The following RELL1 variants were observed in gnomAD, a reference collection of about 807,000 sequenced individuals.
The protein encoded by RELL1 is RELT like 1.
In RELL1, 10 loss-of-function variants were observed where a neutral mutation model predicts 23.0. The ratio of observed to expected loss-of-function variants is 0.43; its 90% CI spans 0.27 to 0.74. The LOEUF is 0.74. Among genes scored for constraint, RELL1 ranks in the 30% least tolerant of loss-of-function variants. The probability of loss-of-function intolerance (pLI) is 0.19; values close to 1 mark genes in which losing one functional copy is unlikely to be tolerated. For synonymous variants in RELL1, 146 were observed against 146.8 expected (o/e 0.99, Z 0.04); for missense variants, 315 against 364.4 (o/e 0.86, Z 1.10).
At chr4:37,669,020 C>T in intron 1 of RELL1, among the ~76,000 whole-genome samples, 1 of 139,044 alleles carries the variant, frequency 7.2e-6, no homozygotes, top group Non-Finnish European at 1.5e-5. Context: ...GGGTCAGCCC[C>T]CCGCCTGGCC....
intron 6 of RELL1, among the ~76,000 whole-genome samples, chr4:37,621,776 AG>A (rs1388236402): frequency 6.6e-6 from 1 of 152,184 alleles, no homozygotes; most frequent in Non-Finnish European, 1.5e-5. Context: ...GCCCCTGCCC[AG>A]GGAGATATGT....
At chr4:37,594,197 A>C (rs1416707612) in intron 6 of RELL1, among the ~76,000 whole-genome samples, 3 of 152,214 alleles carry the variant, frequency 2.0e-5, no homozygotes, top group Non-Finnish European at 4.4e-5. Context: ...GAAAGTAAAA[A>C]ATCTTTAGGT....
chr4:37,630,819 A>G (rs1334367028), intron 6 of RELL1, among the ~76,000 whole-genome samples: 1 of 152,256 alleles, frequency 6.6e-6, no homozygotes, highest in South Asian at 2.1e-4. Context: ...TGACACAAAG[A>G]AAACTGGTTT....
chr4:37,666,885 A>C (rs571316661), intron 1 of RELL1, among the ~76,000 whole-genome samples: 1 of 152,224 alleles, frequency 6.6e-6, no homozygotes, highest in Non-Finnish European at 1.5e-5. Context: ...TAGGTCGGGC[A>C]ATGTTCCTGC....
chr4:37,679,653 T>C (rs1722137648), intron 1 of RELL1, among the ~76,000 whole-genome samples: 1 of 152,196 alleles, frequency 6.6e-6, no homozygotes, highest in Non-Finnish European at 1.5e-5. Context: ...GAATAATATA[T>C]ACCATAGAAC....
chr4:37,665,076 G>A (rs1721484251), intron 1 of RELL1: 1 of 364,862 alleles, frequency 2.7e-6, no homozygotes, highest in African/African-American at 2.1e-5. Context: ...AATGTTATAT[G>A]TGAAAGCAAA....
At chr4:37,593,351 A>G (rs1227652687) in intron 6 of RELL1, among the ~76,000 whole-genome samples, 1 of 152,176 alleles carries the variant, frequency 6.6e-6, no homozygotes, top group African/African-American at 2.4e-5. Context: ...CCACATATCA[A>G]TGACCCACGT....
intron 6 of RELL1, among the ~76,000 whole-genome samples, chr4:37,594,781 C>G (rs957533854): frequency 6.6e-5 from 10 of 152,142 alleles, no homozygotes; most frequent in African/African-American, 1.9e-4. Flanking sequence ...CTCTGATTCT[C>G]TTCTCTTCCT....
chr4:37,612,697 T>C lies in RELL1; in HGVS notation c.*649A>G, dbSNP rs73807850. Among the ~76,000 whole-genome samples, 15,379 of 150,528 alleles carry C rather than the reference T, an allele frequency of 0.1. 883 individuals carry two copies. Among genetic ancestry groups the C allele is most frequent in the East Asian group, 0.28 (1,458 of 5,122 alleles). On this transcript the variant is annotated 3_prime_UTR_variant, in exon 7 of 7. Transcript: ENST00000454158. Reference sequence around the variant, plus strand: ...AAGTGCTGTAGGAGTGACATGGTGGTGGCAGGAGTTAATGCTGAATTTGTG... The same window carrying C: ...AAGTGCTGTAGGAGTGACATGGTGGCGGCAGGAGTTAATGCTGAATTTGTG...
intron 5 of RELL1, among the ~76,000 whole-genome samples, chr4:37,633,063 C>T (rs977585291): frequency 5.9e-5 from 9 of 152,142 alleles, no homozygotes; most frequent in South Asian, 2.1e-4. Flanking sequence ...AATCATTAAG[C>T]GCTCCTAGTA....
chr4:37,589,260 C>A (rs927785020), downstream of RELL1, among the ~76,000 whole-genome samples: 2 of 152,150 alleles, frequency 1.3e-5, no homozygotes, highest in South Asian at 4.1e-4. Flanking sequence ...GTAACGTGAA[C>A]ATAAACTTCT....
At chr4:37,622,063 T>C (rs1273822247) in intron 6 of RELL1, among the ~76,000 whole-genome samples, 1 of 152,232 alleles carries the variant, frequency 6.6e-6, no homozygotes, top group Non-Finnish European at 1.5e-5. Flanking sequence ...TATAGCTTTT[T>C]AACTGTGTCT....
Position 37,682,698 on chromosome 4 carries a change from C to G in RELL1, c.88+3502G>C, listed in dbSNP as rs191762991. ...CAAGGTGTGCTTTTTCAAAACTTTC[C>G]AAACACTATATATTATGTGGATGTA... On this transcript the variant is annotated intron_variant, in intron 1 of 6. Coordinates refer to ENST00000454158, the MANE Select transcript of RELL1 (RefSeq NM_001085400.2). 4.3e-4 allele frequency among the ~76,000 whole-genome samples: 66 copies of G among 152,306 alleles called. 1 individual carries two copies. The East Asian group carries it at 0.011, about 26-fold the overall frequency.
At chr4:37,666,091 TACC>T (rs1182807056) in intron 1 of RELL1, among the ~76,000 whole-genome samples, 1 of 152,228 alleles carries the variant, frequency 6.6e-6, no homozygotes, top group Non-Finnish European at 1.5e-5. Context: ...TCAACTACTT[TACC>T]ACCAACTGCT....
intron 3 of RELL1, among the ~76,000 whole-genome samples, chr4:37,639,521 C>CAA (rs68167103): frequency 0.12 from 17,853 of 146,294 alleles, 1,141 homozygotes; most frequent in Middle Eastern, 0.2. Flanking sequence ...TCAACAAAAG[C>CAA]AAAAAAAAAA....
At chr4:37,586,839 G>A (rs375934006), downstream of RELL1, among the ~76,000 whole-genome samples, 235 of 152,326 alleles carry the variant, frequency 1.5e-3, 1 homozygote, top group African/African-American at 5.5e-3. Context: ...GAACCAGGGA[G>A]GCAGAGGTTG....
intron 3 of RELL1, among the ~76,000 whole-genome samples, chr4:37,645,127 A>G (rs1407324121): frequency 6.6e-6 from 1 of 152,208 alleles, no homozygotes; most frequent in African/African-American, 2.4e-5. Flanking sequence ...ACCCCTGGCA[A>G]GGTTCTCACA....
chr4:37,663,024 C>T (rs1456228806), intron 1 of RELL1, among the ~76,000 whole-genome samples: 2 of 152,292 alleles, frequency 1.3e-5, no homozygotes, highest in Non-Finnish European at 2.9e-5. Context: ...GCCTCTAAGA[C>T]AGAAGACTGA....
chr4:37,598,094 T>TATAA (rs1000920633), intron 6 of RELL1, among the ~76,000 whole-genome samples: 1 of 140,262 alleles, frequency 7.1e-6, no homozygotes, highest in East Asian at 2.0e-4. Flanking sequence ...TATATATATA[T>TATAA]AACTCCTCCT....
Sources: gnomAD v4.1 joint callset for allele counts (sites outside exome capture counted in the v4.1 genomes callset) on GRCh38, gnomAD v4.1.1 for gene constraint, MANE v1.5 for transcripts, NCBI Gene and HGNC (gene_info 2026-07-23, HGNC 2026-07-21) for gene names.